Variants in PCDH7 observed in about 807,000 individuals in gnomAD.
PCDH7 encodes the protein protocadherin-7.
In PCDH7, 17 loss-of-function variants were observed where a neutral mutation model predicts 58.9. That is an observed-to-expected ratio of 0.29 (90% CI 0.20 to 0.43). The LOEUF is 0.43. Among genes scored for constraint, PCDH7 ranks in the 20% least tolerant of loss-of-function variants. The pLI is 1.00. For synonymous variants in PCDH7, 664 were observed against 616.4 expected (o/e 1.08, Z -1.14); for missense variants, 1,274 against 1,441.0 (o/e 0.88, Z 1.88).
At chr4:31,081,197 A>C (rs1029599290) in intron 3 of PCDH7, among the ~76,000 whole-genome samples, 3 of 152,230 alleles carry the variant, frequency 2.0e-5, no homozygotes, top group Admixed American at 6.5e-5. Context: ...ATGCATTCAT[A>C]GTTTATAGTT....
At chr4:30,811,062 A>G (rs1053943560) in intron 1 of PCDH7, among the ~76,000 whole-genome samples, 8 of 152,224 alleles carry the variant, frequency 5.3e-5, no homozygotes, top group Non-Finnish European at 8.8e-5. Flanking sequence ...ATGGTTTACC[A>G]TGACGGATTA....
At chr4:30,803,375 A>G (rs1333554265) in intron 1 of PCDH7, among the ~76,000 whole-genome samples, 1 of 152,226 alleles carries the variant, frequency 6.6e-6, no homozygotes, top group Non-Finnish European at 1.5e-5. Flanking sequence ...GATGATTTAT[A>G]GAAGATAAAA....
chr4:31,103,966 C>A (rs1560227743), intron 3 of PCDH7, among the ~76,000 whole-genome samples: 1 of 152,164 alleles, frequency 6.6e-6, no homozygotes, highest in Non-Finnish European at 1.5e-5. Flanking sequence ...TTTCATGCCT[C>A]CATGCAATTA....
chr4:30,849,074 T>C lies in PCDH7; in HGVS notation c.71-71079T>C, dbSNP rs573891116. On this transcript the variant is annotated intron_variant, in intron 1 of 3. Transcript: ENST00000509759. ...AACATTCCATTCTAACTAAACACAT[T>C]CACTTATTTGTGGTTTGTCAGTGGA... is the stretch of plus-strand genomic sequence containing the variant. Among the ~76,000 whole-genome samples, 20 of 152,208 alleles carry C rather than the reference T, an allele frequency of 1.3e-4. No homozygotes were observed. In the East Asian group the frequency reaches 3.7e-3, roughly 28 times the overall value.
chr4:30,722,178 G>A lies in PCDH7; in HGVS notation c.756G>A (p.Pro252=), dbSNP rs1713725984. The change falls in exon 1 of 2, where the codon CCG becomes CCA. Residue 252 remains proline (P), a synonymous_variant. Coordinates refer to ENST00000361762, the Ensembl canonical transcript of PCDH7. The surrounding 1 kb of genome is among the most constrained non-coding windows in gnomAD (Gnocchi z 7.6). The stretch of plus-strand genomic sequence containing the variant: ...TCGAGCTGCAGGTGGCGGACACCCC[G>A]GACGGCGAGAAGCAGCCGCAGCTGA... The A allele has an allele frequency of 3.2e-6, 5 of 1,552,500 alleles. No individual in the cohort carries two copies. The highest frequency in any genetic ancestry group is 4.3e-6 in the Non-Finnish European group (5 of 1,149,920).
In PCDH7 at chr4:30,850,126, C is replaced by T. The variant is rs556276273; in HGVS notation, c.71-70027C>T. On this transcript the variant is annotated intron_variant, in intron 1 of 3. Coordinates refer to the PCDH7 transcript ENST00000509759. Reference sequence around the variant, plus strand: ...GACCAGCTACTGTCTCTTATATATTCGTATTTTATTACAAGTACAACTGAA... The same window carrying T: ...GACCAGCTACTGTCTCTTATATATTTGTATTTTATTACAAGTACAACTGAA... 5.3e-5 allele frequency among the ~76,000 whole-genome samples: 8 copies of T among 152,120 alleles called. No homozygotes were observed. In the East Asian group the frequency reaches 5.8e-4, roughly 11 times the overall value.
chr4:31,134,713 G>T (rs1719387479), intron 3 of PCDH7, among the ~76,000 whole-genome samples: 1 of 152,022 alleles, frequency 6.6e-6, no homozygotes, highest in African/African-American at 2.4e-5. Context: ...TTCATGTTCT[G>T]CCTGGCTCAC....
intron 3 of PCDH7, among the ~76,000 whole-genome samples, chr4:31,060,998 G>A (rs1314624085): frequency 1.3e-5 from 2 of 151,644 alleles, no homozygotes; most frequent in Non-Finnish European, 3.0e-5. Context: ...TATAAGGAGA[G>A]ACTCTTCGTT....
chr4:31,138,042 C>T (rs557438106), intron 3 of PCDH7, among the ~76,000 whole-genome samples: 1 of 152,216 alleles, frequency 6.6e-6, no homozygotes, highest in South Asian at 2.1e-4. Flanking sequence ...CTACTGTGCT[C>T]TCCTATAATA....
chr4:30,972,610 A>G (rs997050414), intron 3 of PCDH7, among the ~76,000 whole-genome samples: 7 of 152,198 alleles, frequency 4.6e-5, no homozygotes, highest in African/African-American at 1.7e-4. Context: ...AACCTATATT[A>G]ATGTAATTAT....
intron 1 of PCDH7, among the ~76,000 whole-genome samples, chr4:30,918,902 G>C (rs578212243): frequency 6.6e-6 from 1 of 152,178 alleles, no homozygotes; most frequent in African/African-American, 2.4e-5. Context: ...AGGGGGAGAT[G>C]TTATAACTCT....
intron 3 of PCDH7, among the ~76,000 whole-genome samples, chr4:31,029,991 G>T (rs1440048074): frequency 6.6e-6 from 1 of 152,118 alleles, no homozygotes; most frequent in Non-Finnish European, 1.5e-5. Flanking sequence ...TTGAAGAAAA[G>T]CTCAGTTTTC....
chr4:31,138,721 C>G (rs1469315418), intron 3 of PCDH7, among the ~76,000 whole-genome samples: 1 of 152,200 alleles, frequency 6.6e-6, no homozygotes, highest in South Asian at 2.1e-4. Flanking sequence ...TACTTTCTCC[C>G]AGCACTTTGG....
chr4:30,838,043 T>C (rs550175338), intron 1 of PCDH7, among the ~76,000 whole-genome samples: 1 of 151,930 alleles, frequency 6.6e-6, no homozygotes, highest in South Asian at 2.1e-4. Flanking sequence ...TTCATCATGC[T>C]GGGGCTGGGG....
At chr4:31,015,880 A>G (rs901220543) in intron 3 of PCDH7, among the ~76,000 whole-genome samples, 1 of 152,222 alleles carries the variant, frequency 6.6e-6, no homozygotes, top group African/African-American at 2.4e-5. Context: ...TAAAATGTCA[A>G]TATCTAATTT....
At chr4:31,131,996 A>T (rs1298433601) in intron 3 of PCDH7, among the ~76,000 whole-genome samples, 1 of 152,186 alleles carries the variant, frequency 6.6e-6, no homozygotes, top group Non-Finnish European at 1.5e-5. Flanking sequence ...TTGAACTTCA[A>T]TGTGATTCAT....
chr4:31,069,348 G>A (rs968244918), intron 3 of PCDH7, among the ~76,000 whole-genome samples: 3 of 150,940 alleles, frequency 2.0e-5, no homozygotes, highest in African/African-American at 7.3e-5. Context: ...GCTGAAATAA[G>A]CCAAGTCTCC....
chr4:30,731,070 G>A (rs1347954397), exon 2 of PCDH7: 6 of 1,138,300 alleles, frequency 5.3e-6, no homozygotes, highest in East Asian at 8.9e-5. Flanking sequence ...CCTATTAGAC[G>A]TAACAGTGAT....
chr4:31,132,779 T>A (rs546845996), intron 3 of PCDH7, among the ~76,000 whole-genome samples: 1 of 152,310 alleles, frequency 6.6e-6, no homozygotes, highest in East Asian at 1.9e-4. Context: ...TTTTACTTCT[T>A]ATGACAAATA....
Sources: allele counts gnomAD v4.1 joint callset (sites outside exome capture counted in the v4.1 genomes callset), GRCh38; gene constraint gnomAD v4.1.1; non-coding constraint Gnocchi (gnomAD v3.1); transcripts MANE v1.5; gene names NCBI Gene and HGNC (gene_info 2026-07-23, HGNC 2026-07-21).